Variants in KIF6 observed in about 807,000 individuals in gnomAD.
The protein encoded by KIF6 is kinesin family member 6.
In KIF6, 106 loss-of-function variants were observed where a neutral mutation model predicts 112.7. That is an observed-to-expected ratio of 0.94 (90% CI 0.80 to 1.11). The LOEUF (loss-of-function observed/expected upper bound fraction) is 1.11. Among genes scored for constraint, KIF6 ranks in the 50% least tolerant of loss-of-function variants. The pLI, the probability that KIF6 is intolerant of heterozygous loss-of-function variation, is 0.00. For missense variants in KIF6, 929 were observed against 964.0 expected (o/e 0.96, Z 0.48); for synonymous variants, 339 against 339.9 (o/e 1.00, Z 0.03).
intron 13 of KIF6, among the ~76,000 whole-genome samples, chr6:39,521,817 T>C (rs146375320): frequency 6.6e-6 from 1 of 152,222 alleles, no homozygotes; most frequent in East Asian, 1.9e-4. Flanking sequence ...AGAGACTAGA[T>C]CTGCTGCACT....
chr6:39,518,799 T>C (rs1384801625), intron 13 of KIF6, among the ~76,000 whole-genome samples: 3 of 152,160 alleles, frequency 2.0e-5, no homozygotes, highest in Admixed American at 1.3e-4. Context: ...CTGCAAAATG[T>C]CACTCCAGTC....
chr6:39,435,942 G>A (rs981939033), intron 13 of KIF6, among the ~76,000 whole-genome samples: 3 of 152,120 alleles, frequency 2.0e-5, no homozygotes, highest in South Asian at 2.1e-4. Context: ...TTTTCATAGC[G>A]TTTTCCATAG....
At position 39,342,731 on chromosome 6, in the gene KIF6, C is replaced by G. The variant is rs1487080609; in HGVS notation, c.2428+978G>C. ...TGACAGTGTTGCTGAGGCTGCTGGTCCTGGTGGTGAAGAGAGGATAGTAAA... is the reference window on the plus strand; with the variant it reads ...TGACAGTGTTGCTGAGGCTGCTGGTGCTGGTGGTGAAGAGAGGATAGTAAA... On this transcript the variant is annotated intron_variant, in intron 22 of 22. Coordinates refer to ENST00000287152, the MANE Select transcript of KIF6 (RefSeq NM_145027.6). The surrounding 1 kb of genome is among the most constrained non-coding windows in gnomAD (Gnocchi z 4.7). 1 of 936,428 alleles carries G rather than the reference C, an allele frequency of 1.1e-6. No homozygotes were observed. The highest frequency in any genetic ancestry group is 1.8e-5 in the African/African-American group (1 of 55,706). 58.0% of individuals were successfully genotyped at this position (936,428 alleles called of 1,614,324 possible). A position where few individuals can be genotyped will look rare whatever the true frequency, so the allele number is the denominator to read the frequency against.
At chr6:39,363,657 A>G (rs189295760) in intron 16 of KIF6, among the ~76,000 whole-genome samples, 14 of 152,286 alleles carry the variant, frequency 9.2e-5, no homozygotes, top group African/African-American at 3.4e-4. Context: ...TTTTTACTCT[A>G]TGTAGGGAAG....
At chr6:39,602,835 G>C (rs368224891) in intron 6 of KIF6, among the ~76,000 whole-genome samples, 1 of 152,024 alleles carries the variant, frequency 6.6e-6, no homozygotes, top group Non-Finnish European at 1.5e-5. Context: ...TATCACTCAA[G>C]TATACCCTTT....
intron 3 of KIF6, among the ~76,000 whole-genome samples, chr6:39,650,685 AAAATG>A (rs1785423140): frequency 6.6e-6 from 1 of 152,130 alleles, no homozygotes; most frequent in East Asian, 1.9e-4. Flanking sequence ...GGAGGCAACT[AAAATG>A]AAACCACAAA....
At chr6:39,608,228 G>A (rs562241950) in intron 6 of KIF6, among the ~76,000 whole-genome samples, 5 of 152,170 alleles carry the variant, frequency 3.3e-5, no homozygotes, top group South Asian at 2.1e-4. Flanking sequence ...CATGCTCCAC[G>A]GTTTATGACA....
At chr6:39,597,107 A>T (rs1429973759) in intron 6 of KIF6, among the ~76,000 whole-genome samples, 1 of 152,222 alleles carries the variant, frequency 6.6e-6, no homozygotes, top group African/African-American at 2.4e-5. Flanking sequence ...CATTTCATAG[A>T]TGGGAAAACT....
At chr6:39,341,483 A>C (rs993840355) in intron 22 of KIF6, among the ~76,000 whole-genome samples, 3 of 152,234 alleles carry the variant, frequency 2.0e-5, no homozygotes, top group African/African-American at 7.2e-5. Context: ...AGCAATTTGA[A>C]TACCTCCATC....
At chr6:39,362,678 C>A (rs566004126) in intron 16 of KIF6, among the ~76,000 whole-genome samples, 160 bp from the exon 17 acceptor site, 1 of 152,308 alleles carries the variant, frequency 6.6e-6, no homozygotes, top group East Asian at 1.9e-4. Context: ...CAGCTGAAAG[C>A]CCTGAGAGGA....
At chr6:39,635,233 T>C (rs538304344) in intron 4 of KIF6, among the ~76,000 whole-genome samples, 2 of 152,160 alleles carry the variant, frequency 1.3e-5, no homozygotes, top group South Asian at 2.1e-4. Flanking sequence ...ACACTTACAA[T>C]GAGCCAACTT....
chr6:39,388,531 C>G (rs962166923), intron 15 of KIF6, among the ~76,000 whole-genome samples: 5 of 152,224 alleles, frequency 3.3e-5, no homozygotes, highest in African/African-American at 1.2e-4. Flanking sequence ...CACCACATGG[C>G]AAGTTTTTTT....
At chr6:39,672,336 T>C (rs553273422) in intron 3 of KIF6, among the ~76,000 whole-genome samples, 13 of 152,312 alleles carry the variant, frequency 8.5e-5, no homozygotes, top group South Asian at 2.1e-4. Flanking sequence ...GGTTTTGTTA[T>C]ACGTTTTGCT....
At chr6:39,706,015 C>T (rs188141037) in intron 3 of KIF6, among the ~76,000 whole-genome samples, 85 of 152,282 alleles carry the variant, frequency 5.6e-4, no homozygotes, top group Non-Finnish European at 7.6e-4. Flanking sequence ...TCCACTGGTT[C>T]GTCTCTTTTA....
chr6:39,374,527 G>A (rs867243463), intron 16 of KIF6, among the ~76,000 whole-genome samples: 2 of 152,060 alleles, frequency 1.3e-5, no homozygotes, highest in Non-Finnish European at 2.9e-5. Flanking sequence ...CAACTCAACA[G>A]CAAGAAAACA....
chr6:39,396,334 C>T (rs968650725), intron 15 of KIF6, among the ~76,000 whole-genome samples: 6 of 152,232 alleles, frequency 3.9e-5, no homozygotes, highest in Admixed American at 3.3e-4. Flanking sequence ...TCTGTCTCTG[C>T]ACTCACCTCC....
intron 13 of KIF6, among the ~76,000 whole-genome samples, chr6:39,508,720 C>G (rs573174295): frequency 2.6e-5 from 4 of 152,106 alleles, no homozygotes; most frequent in African/African-American, 9.7e-5. Flanking sequence ...GCAAACAAAG[C>G]GGCAGGGAAG....
At position 39,628,247 on chromosome 6, in the gene KIF6, T is replaced by C. The variant is rs550045797; in HGVS notation, c.509+6602A>G. Among the ~76,000 whole-genome samples, 7 of 149,640 alleles carry C rather than the reference T, an allele frequency of 4.7e-5. No homozygotes were observed. In the South Asian group the frequency reaches 1.3e-3, roughly 27 times the overall value. ...CCAGTTTTGCTTGTACTCATTTACG[T>C]GTGTGTGTGTGTGTGTGTGTATACA... On this transcript the variant is annotated intron_variant, in intron 5 of 22. Coordinates refer to ENST00000287152, the MANE Select transcript of KIF6 (RefSeq NM_145027.6).
At chr6:39,667,978 T>C (rs116466368) in intron 3 of KIF6, among the ~76,000 whole-genome samples, 3,660 of 152,262 alleles carry the variant, frequency 0.024, 153 homozygotes, top group African/African-American at 0.082. Flanking sequence ...TTTGAGTTCA[T>C]GAGAGATCTG....
Sources: allele counts gnomAD v4.1 joint callset (sites outside exome capture counted in the v4.1 genomes callset), GRCh38; gene constraint gnomAD v4.1.1; non-coding constraint Gnocchi (gnomAD v3.1); transcripts MANE v1.5; gene names NCBI Gene and HGNC (gene_info 2026-07-23, HGNC 2026-07-21).